HAPSTR1: variants seen among roughly 807,000 people sequenced by gnomAD.
HAPSTR1 encodes HUWE1 associated protein modifying stress responses.
the HAPSTR1 span, chr16:9,107,547 T>G: frequency 6.6e-6 from 1 of 152,286 alleles, no homozygotes; most frequent in Admixed American, 6.5e-5. Flanking sequence ...GTGATCTTTC[T>G]GGTCTTGTCA....
the HAPSTR1 span, among the ~76,000 whole-genome samples, chr16:9,098,800 G>A: frequency 0.086 from 13,049 of 152,260 alleles, 767 homozygotes; most frequent in Admixed American, 0.18. Context: ...CTTATGGTTT[G>A]TAGATTGTCT....
chr16:9,096,398 CT>C, the HAPSTR1 span, among the ~76,000 whole-genome samples: 2 of 151,776 alleles, frequency 1.3e-5, no homozygotes, highest in Admixed American at 1.3e-4. Flanking sequence ...TCTTCATCTT[CT>C]TTCCCTAATT....
At chr16:9,097,683 C>T in the HAPSTR1 span, among the ~76,000 whole-genome samples, 4 of 152,194 alleles carry the variant, frequency 2.6e-5, no homozygotes, top group Admixed American at 6.5e-5. Flanking sequence ...CCCAGGCTCC[C>T]CTGCTCTGTT....
the HAPSTR1 span, chr16:9,107,787 G>C: frequency 2.0e-5 from 3 of 152,194 alleles, no homozygotes; most frequent in Non-Finnish European, 4.4e-5. Context: ...TCCCTGAACT[G>C]TGCATTTGCT....
the HAPSTR1 span, among the ~76,000 whole-genome samples, chr16:9,102,037 T>C: frequency 6.6e-6 from 1 of 152,154 alleles, no homozygotes; most frequent in Non-Finnish European, 1.5e-5. Context: ...AGGAGAACCC[T>C]GGAGGCGGAG....
chr16:9,097,850 C>G, the HAPSTR1 span, among the ~76,000 whole-genome samples: 2 of 152,190 alleles, frequency 1.3e-5, no homozygotes, highest in South Asian at 4.1e-4. Context: ...ACTTGCTTAC[C>G]CACAACCATT....
the HAPSTR1 span, chr16:9,111,802 A>G: frequency 1.3e-5 from 2 of 152,230 alleles, no homozygotes; most frequent in African/African-American, 2.4e-5. Context: ...ATCCCAGTAT[A>G]TAGAGATTAA....
the HAPSTR1 span, among the ~76,000 whole-genome samples, chr16:9,115,381 G>A: frequency 2.6e-5 from 4 of 152,164 alleles, no homozygotes; most frequent in Non-Finnish European, 5.9e-5. Context: ...AGCAATAACA[G>A]ATCCCTAGGT....
the HAPSTR1 span, among the ~76,000 whole-genome samples, chr16:9,096,981 C>G: frequency 6.6e-6 from 1 of 152,020 alleles, no homozygotes; most frequent in Non-Finnish European, 1.5e-5. Context: ...TCGCTCTTGT[C>G]CCCCAGGCTG....
chr16:9,098,821 G>C, the HAPSTR1 span, among the ~76,000 whole-genome samples: 1 of 152,192 alleles, frequency 6.6e-6, no homozygotes, highest in Admixed American at 6.5e-5. Flanking sequence ...GCAATTGAGA[G>C]ATGGCTTCTC....
chr16:9,117,335 G>C, the HAPSTR1 span: 1 of 175,692 alleles, frequency 5.7e-6, no homozygotes, highest in African/African-American at 2.4e-5. Context: ...TCCTAAAATT[G>C]TCTAAAAACA....
At chr16:9,116,594 A>C in the HAPSTR1 span, 1 of 1,544,172 alleles carries the variant, frequency 6.5e-7, no homozygotes, top group Non-Finnish European at 8.8e-7. Flanking sequence ...TTGTGACAAC[A>C]TGGAAAGTAA....
At chr16:9,109,127 T>G in the HAPSTR1 span, 1 of 152,192 alleles carries the variant, frequency 6.6e-6, no homozygotes, top group Non-Finnish European at 1.5e-5. Context: ...TGCTTAAATA[T>G]TACTCTTGCT....
the HAPSTR1 span, among the ~76,000 whole-genome samples, chr16:9,100,892 A>G: frequency 1.3e-5 from 2 of 152,238 alleles, no homozygotes; most frequent in Admixed American, 6.5e-5. Flanking sequence ...CCCTTTTACT[A>G]TGCTTTAGAC....
the HAPSTR1 span, chr16:9,120,663 A>G: frequency 1.4e-5 from 2 of 145,126 alleles, no homozygotes; most frequent in Admixed American, 6.9e-5. Context: ...TAGAAGTAAT[A>G]TGGTGAAATC....
At chr16:9,120,331 G>T in the HAPSTR1 span, 1 of 152,186 alleles carries the variant, frequency 6.6e-6, no homozygotes, top group Admixed American at 6.5e-5. Context: ...CCAGCTTCTA[G>T]CCTCCCTTTG....
At chr16:9,114,770 G>C in the HAPSTR1 span, among the ~76,000 whole-genome samples, 238 of 152,298 alleles carry the variant, frequency 1.6e-3, no homozygotes, top group African/African-American at 5.5e-3. Context: ...GGGTGGGAGT[G>C]CCAGCTCTTG....
At chr16:9,098,310 G>A in the HAPSTR1 span, among the ~76,000 whole-genome samples, 7 of 152,166 alleles carry the variant, frequency 4.6e-5, 1 homozygote, top group Admixed American at 3.9e-4. Flanking sequence ...TCCAGCCTGG[G>A]CAGCAAGAGC....
chr16:9,093,315 CCT>C, the HAPSTR1 span, among the ~76,000 whole-genome samples: 1 of 152,182 alleles, frequency 6.6e-6, no homozygotes, highest in Non-Finnish European at 1.5e-5. Context: ...GCCCCGGCCC[CCT>C]CTCAGCGAAG....
Sources: allele counts gnomAD v4.1 joint callset (sites outside exome capture counted in the v4.1 genomes callset), GRCh38; gene constraint gnomAD v4.1.1; transcripts MANE v1.5; gene names NCBI Gene and HGNC (gene_info 2026-07-23, HGNC 2026-07-21).